The following SRFBP1 variants were observed in gnomAD, a reference collection of about 807,000 sequenced individuals.
The protein encoded by SRFBP1 is serum response factor-binding protein 1.
Under a neutral mutation model 45.5 loss-of-function variants are expected in SRFBP1, and 47 were observed. That is an observed-to-expected ratio of 1.03 (90% CI 0.82 to 1.32). The LOEUF is 1.32. Ranked by LOEUF, SRFBP1 falls within the 40% of genes most tolerant of loss-of-function variation. SRFBP1 has a pLI of 0.00. For missense variants in SRFBP1, 621 were observed against 484.6 expected (o/e 1.28, Z -2.64); for synonymous variants, 203 against 166.3 (o/e 1.22, Z -1.70).
intron 2 of SRFBP1, among the ~76,000 whole-genome samples, chr5:122,050,431 G>T (rs1269091625): frequency 1.3e-5 from 2 of 152,170 alleles, no homozygotes; most frequent in Middle Eastern, 6.8e-3. Flanking sequence ...CTTATTATTG[G>T]TCTATTCAGG....
At chr5:122,047,654 T>A (rs1158790800) in intron 2 of SRFBP1, among the ~76,000 whole-genome samples, 9 of 152,118 alleles carry the variant, frequency 5.9e-5, no homozygotes, top group Non-Finnish European at 1.3e-4. Flanking sequence ...GCCATTTTCA[T>A]GATATTGATT....
chr5:121,965,798 G>C (rs1213073941), intron 1 of SRFBP1, among the ~76,000 whole-genome samples: 1 of 152,086 alleles, frequency 6.6e-6, no homozygotes, highest in Non-Finnish European at 1.5e-5. Context: ...CTGTTTTCAC[G>C]ATATTGATTC....
chr5:121,970,692 A>G (rs1382587111), intron 1 of SRFBP1, among the ~76,000 whole-genome samples: 2 of 152,060 alleles, frequency 1.3e-5, no homozygotes, highest in South Asian at 2.1e-4. Flanking sequence ...AAAATATATT[A>G]TGCATTTGAA....
intron 3 of SRFBP1, among the ~76,000 whole-genome samples, chr5:121,982,459 T>C (rs1168871080): frequency 3.3e-5 from 5 of 151,938 alleles, no homozygotes; most frequent in African/African-American, 9.7e-5. Context: ...TTTTGCATTT[T>C]TAATATATAG....
chr5:122,037,101 TTGATCAGGCTGGTCTCCA>T (rs1753705417), intron 2 of SRFBP1, among the ~76,000 whole-genome samples: 1 of 152,150 alleles, frequency 6.6e-6, no homozygotes, highest in Non-Finnish European at 1.5e-5. Flanking sequence ...TTTCTCTATA[TTGATCAGGCTGGTCTCCA>T]ACTCCCGACC....
At chr5:122,054,185 A>T (rs1423086782) in intron 2 of SRFBP1, among the ~76,000 whole-genome samples, 1 of 152,186 alleles carries the variant, frequency 6.6e-6, no homozygotes. Flanking sequence ...CCCACAAAAC[A>T]TCTGAGTGGC....
At position 122,022,407 on chromosome 5, in the gene SRFBP1, G is replaced by A; in HGVS notation, c.1105G>A (p.Asp369Asn). ...ACAGGCTCCAAAAACAAGATCCCTAGGTATGTATTCATAGTTGCCTGACCT... is the reference window on the plus strand; with the variant it reads ...ACAGGCTCCAAAAACAAGATCCCTAAGTATGTATTCATAGTTGCCTGACCT... The part of the protein sequence containing the change: ...KEQAPKTRSL[D>N]FPQNEPQIKN... Residue 369 changes from aspartate to asparagine, a missense_variant and splice_region_variant, in exon 7 of 8, where the codon GAT becomes AAT. Transcript: ENST00000339397. The A allele has an allele frequency of 1.2e-6, 2 of 1,610,112 alleles. No homozygotes were observed. Among genetic ancestry groups the A allele is most frequent in the Non-Finnish European group, 1.7e-6 (2 of 1,178,482 alleles).
At chr5:122,008,080 A>C in intron 4 of SRFBP1, among the ~76,000 whole-genome samples, 1 of 152,100 alleles carries the variant, frequency 6.6e-6, no homozygotes, top group Middle Eastern at 3.4e-3. Flanking sequence ...TGAATGTACT[A>C]TCCTGGAGCC....
At chr5:122,013,239 T>C (rs1753130823) in intron 4 of SRFBP1, among the ~76,000 whole-genome samples, 1 of 152,174 alleles carries the variant, frequency 6.6e-6, no homozygotes, top group African/African-American at 2.4e-5. Context: ...TTCTTAACTC[T>C]AACATTTTTC....
At chr5:121,992,190 T>C (rs1752634268) in intron 3 of SRFBP1, among the ~76,000 whole-genome samples, 1 of 152,104 alleles carries the variant, frequency 6.6e-6, no homozygotes, top group South Asian at 2.1e-4. Context: ...CTGTAGACTT[T>C]CAGTGGGGCC....
At chr5:122,037,210 A>G (rs1429086407) in intron 2 of SRFBP1, among the ~76,000 whole-genome samples, 3 of 152,158 alleles carry the variant, frequency 2.0e-5, no homozygotes, top group African/African-American at 7.2e-5. Context: ...CTGTGAGTCT[A>G]GTGAATCATT....
At position 121,994,736 on chromosome 5, in the gene SRFBP1, T is replaced by G. The variant is rs541710299; in HGVS notation, c.270+66T>G. 501 of 1,099,436 alleles carry G rather than the reference T, an allele frequency of 4.6e-4. 1 individual carries two copies. Among genetic ancestry groups the G allele is most frequent in the South Asian group, 2.4e-3 (150 of 61,360 alleles). 68.1% of individuals were successfully genotyped at this position (1,099,436 alleles called of 1,614,324 possible). A position where few individuals can be genotyped will look rare whatever the true frequency, so the allele number is the denominator to read the frequency against. Reference sequence around the variant, plus strand: ...CTCATCTATATTGCTTACTTTTTTCTTGAAGAGAAAACTTACCAAGAAGTC... The same window carrying G: ...CTCATCTATATTGCTTACTTTTTTCGTGAAGAGAAAACTTACCAAGAAGTC... On this transcript the variant is annotated intron_variant, in intron 4 of 7. Transcript: ENST00000339397.
intron 3 of SRFBP1, among the ~76,000 whole-genome samples, chr5:121,985,085 A>G (rs1195837561): frequency 6.6e-6 from 1 of 151,890 alleles, no homozygotes; most frequent in Admixed American, 6.6e-5. Flanking sequence ...TTATAAAAAT[A>G]TAGAAATTAA....
chr5:121,966,033 T>C (rs1411472084), intron 1 of SRFBP1, among the ~76,000 whole-genome samples: 2 of 152,186 alleles, frequency 1.3e-5, no homozygotes, highest in Non-Finnish European at 2.9e-5. Flanking sequence ...TGCACATTGA[T>C]TTTGTATCCT....
downstream of SRFBP1, among the ~76,000 whole-genome samples, chr5:122,031,903 C>T (rs577600218): frequency 5.3e-5 from 8 of 152,300 alleles, no homozygotes; most frequent in African/African-American, 1.7e-4. Context: ...GTTCCACTTA[C>T]ATGCAATGTC....
intron 2 of SRFBP1, chr5:122,063,701 A>G (rs1754226483): frequency 6.6e-6 from 1 of 151,940 alleles, no homozygotes; most frequent in African/African-American, 2.4e-5. Flanking sequence ...TCGTATCAAA[A>G]CACATTATTT....
At chr5:122,024,607 A>G (rs1052406150) in intron 7 of SRFBP1, among the ~76,000 whole-genome samples, 10 of 152,220 alleles carry the variant, frequency 6.6e-5, no homozygotes, top group South Asian at 2.1e-4. Flanking sequence ...CCATAACTCA[A>G]TTAGCCATGT....
At chr5:121,984,884 T>G (rs1417940399) in intron 3 of SRFBP1, among the ~76,000 whole-genome samples, 3 of 151,828 alleles carry the variant, frequency 2.0e-5, no homozygotes, top group Non-Finnish European at 3.0e-5. Context: ...GTAGCTGTCT[T>G]TATTTCAGTT....
intron 4 of SRFBP1, among the ~76,000 whole-genome samples, chr5:121,999,925 A>G (rs1318818978): frequency 6.6e-6 from 1 of 152,032 alleles, no homozygotes; most frequent in Non-Finnish European, 1.5e-5. Flanking sequence ...TGTTTAAGCC[A>G]TTTCTATTCA....
Sources: allele counts gnomAD v4.1 joint callset (sites outside exome capture counted in the v4.1 genomes callset), GRCh38; gene constraint gnomAD v4.1.1; transcripts MANE v1.5; gene names NCBI Gene and HGNC (gene_info 2026-07-23, HGNC 2026-07-21).